The following RSF1 variants were observed in gnomAD, a reference collection of about 807,000 sequenced individuals.
The protein encoded by RSF1 is remodeling and spacing factor 1, also known as HBV pX-associated protein 8.
Under a neutral mutation model 145.2 loss-of-function variants are expected in RSF1, and 13 were observed. The observed-to-expected ratio is 0.09, with a 90% confidence interval of 0.06 to 0.14. The LOEUF (loss-of-function observed/expected upper bound fraction) is 0.14, where lower values mean the gene tolerates loss of function less well. RSF1 is among the 10% of genes least tolerant of loss of function. The probability of loss-of-function intolerance (pLI) is 1.00; values close to 1 mark genes in which losing one functional copy is unlikely to be tolerated. For missense variants in RSF1, 1,517 were observed against 1,718.2 expected (o/e 0.88, Z 2.07); for synonymous variants, 577 against 592.6 (o/e 0.97, Z 0.38).
intron 1 of RSF1, among the ~76,000 whole-genome samples, chr11:77,805,489 G>A (rs1169174248): frequency 6.6e-6 from 1 of 151,852 alleles, no homozygotes; most frequent in Non-Finnish European, 1.5e-5. Flanking sequence ...TCTCACTAAA[G>A]AAAACTTTAC....
chr11:77,694,022 A>G (rs1960223369), intron 7 of RSF1, among the ~76,000 whole-genome samples: 1 of 151,996 alleles, frequency 6.6e-6, no homozygotes, highest in African/African-American at 2.4e-5. Flanking sequence ...TGACCTTGTG[A>G]CCCACCCACC....
upstream of RSF1, chr11:77,821,090 A>G: frequency 2.2e-6 from 1 of 453,386 alleles, no homozygotes; most frequent in Non-Finnish European, 3.9e-6. Flanking sequence ...CAATGGACGC[A>G]GAGGGGGCGG....
chr11:77,849,791 A>G, the RSF1 span, among the ~76,000 whole-genome samples: 2 of 152,090 alleles, frequency 1.3e-5, no homozygotes, highest in Non-Finnish European at 2.9e-5. Flanking sequence ...CTTTGCTAAA[A>G]CTATTTCCTT....
At chr11:77,826,587 G>A in the RSF1 span, among the ~76,000 whole-genome samples, 11 of 152,148 alleles carry the variant, frequency 7.2e-5, no homozygotes, top group African/African-American at 2.6e-4. Context: ...CAGCATAGTC[G>A]CTACCCTGAG....
intron 7 of RSF1, among the ~76,000 whole-genome samples, chr11:77,698,249 G>A (rs2135849479): frequency 6.6e-6 from 1 of 152,310 alleles, no homozygotes; most frequent in South Asian, 2.1e-4. Context: ...AGAGATTGAG[G>A]TGTATTATTA....
At chr11:77,708,657 A>C (rs1302362805) in intron 5 of RSF1, among the ~76,000 whole-genome samples, 1 of 152,210 alleles carries the variant, frequency 6.6e-6, no homozygotes. Context: ...AAGAGAACTA[A>C]TTATAAAAGC....
At chr11:77,764,520 G>T in intron 2 of RSF1, 78 bp downstream of exon 2, 1 of 827,580 alleles carries the variant, frequency 1.2e-6, no homozygotes, top group Non-Finnish European at 2.0e-6. Context: ...AAAATTATGT[G>T]TATTATAAAA....
the RSF1 span, chr11:77,842,666 G>A: frequency 6.2e-7 from 1 of 1,600,486 alleles, no homozygotes; most frequent in Non-Finnish European, 8.5e-7. Flanking sequence ...ACATGAGGCT[G>A]ACCAAGTGAT....
intron 4 of RSF1, among the ~76,000 whole-genome samples, chr11:77,728,229 GGCTAATT>G (rs1961105347): frequency 2.0e-5 from 3 of 151,978 alleles, no homozygotes; most frequent in African/African-American, 7.3e-5. Flanking sequence ...TGTTCCCCAT[GGCTAATT>G]CCAATTACTC....
the RSF1 span, among the ~76,000 whole-genome samples, chr11:77,828,544 G>T: frequency 1.3e-5 from 2 of 150,710 alleles, no homozygotes; most frequent in Non-Finnish European, 3.0e-5. Context: ...GGTAGTGGGC[G>T]CCTGTAGTCC....
rs1959273792 is a variant in RSF1, at chr11:77,663,176, T to A, written c.*3741A>T. 1 of 152,172 alleles carries A rather than the reference T, an allele frequency of 6.6e-6. No homozygotes were observed. The highest frequency in any genetic ancestry group is 1.9e-4 in the East Asian group (1 of 5,196). The allele number at this position is 152,172 out of a possible 1,614,324, so 9.4% of individuals were successfully genotyped here. A position where few individuals can be genotyped will look rare whatever the true frequency, so the allele number is the denominator to read the frequency against. ...TTTTCTGAATATTAAACTTGTAGATTCATTAGGTTCTTTACAGTTGTGTGG... is the reference window on the plus strand; with the variant it reads ...TTTTCTGAATATTAAACTTGTAGATACATTAGGTTCTTTACAGTTGTGTGG... On this transcript the variant is annotated 3_prime_UTR_variant, in exon 16 of 16. Coordinates refer to ENST00000308488, the MANE Select transcript of RSF1 (RefSeq NM_016578.4).
chr11:77,660,201 A>C lies in RSF1; in HGVS notation c.*6716T>G, dbSNP rs1959218771. ...GACACTGAACATTTCATTAACAAAA[A>C]TACTGGCACCAGCCACAACATATTT... On this transcript the variant is annotated 3_prime_UTR_variant, in exon 16 of 16. Coordinates refer to ENST00000308488, the MANE Select transcript of RSF1 (RefSeq NM_016578.4). The C allele has an allele frequency of 6.6e-6, 1 of 152,216 alleles. No homozygotes were observed. Among genetic ancestry groups the C allele is most frequent in the African/African-American group, 2.4e-5 (1 of 41,466 alleles). 9.4% of individuals were successfully genotyped at this position (152,216 alleles called of 1,614,324 possible).
In RSF1 at chr11:77,815,291, G is replaced by A. The variant is rs141129693; in HGVS notation, c.187+5237C>T. Among the ~76,000 whole-genome samples the A allele has an allele frequency of 1.4e-3, 217 of 152,236 alleles. 1 individual carries two copies. Among genetic ancestry groups the A allele is most frequent in the African/African-American group, 3.6e-3 (148 of 41,538 alleles). ...GCTAGAACATATGTAATTACAAAGT[G>A]TACATTATAATTGCCCATATAATTA... On this transcript the variant is annotated intron_variant, in intron 1 of 15. Coordinates refer to ENST00000308488, the MANE Select transcript of RSF1 (RefSeq NM_016578.4).
At chr11:77,727,235 T>G (rs1961076748) in intron 4 of RSF1, among the ~76,000 whole-genome samples, 1 of 152,196 alleles carries the variant, frequency 6.6e-6, no homozygotes, top group South Asian at 2.1e-4. Context: ...CATTACAACC[T>G]GCTTCTAACT....
chr11:77,699,003 C>T (rs79819324), intron 6 of RSF1, among the ~76,000 whole-genome samples: 6,009 of 152,234 alleles, frequency 0.039, 167 homozygotes, highest in Non-Finnish European at 0.058. Context: ...ATCTAATCCT[C>T]TACTAGACAT....
chr11:77,735,137 G>A, intron 4 of RSF1: 1 of 718,160 alleles, frequency 1.4e-6, no homozygotes, highest in South Asian at 1.5e-5. Flanking sequence ...GGGAGGGCTG[G>A]CTATGGGCGG....
rs1258651023 is a variant in RSF1 at position 77,665,536 on chromosome 11, TTTAG to T, written c.*1377_*1380del. On this transcript the variant is annotated 3_prime_UTR_variant, in exon 16 of 16. Transcript: ENST00000308488. ...TTTAGTGTCAATTACATGTTAGGTA[TTTAG>T]TTAGTTACAAACCCTTTTTTCTTGA... 5 of 152,204 alleles carry T rather than the reference TTTAG, an allele frequency of 3.3e-5. No individual in the cohort carries two copies. Among genetic ancestry groups the T allele is most frequent in the Non-Finnish European group, 5.9e-5 (4 of 68,036 alleles). The allele number at this position is 152,204 out of a possible 1,614,324, so 9.4% of individuals were successfully genotyped here.
Position 77,701,534 on chromosome 11 carries a change from T to C in RSF1, c.1695A>G (p.Lys565=), listed in dbSNP as rs1215885644. 5 of 1,613,928 alleles carry C rather than the reference T, an allele frequency of 3.1e-6. No homozygotes were observed. Among genetic ancestry groups the C allele is most frequent in the South Asian group, 2.2e-5 (2 of 91,070 alleles). Residue 565 remains lysine, a synonymous_variant, in exon 6 of 16, where the codon AAA becomes AAG. Transcript: ENST00000308488. ...TAGTTTTGGGAGACTTCTCTTCACC[T>C]TTCATGGTACACGACTCGGTGGAAG... ...ALSSTESCTM[K]GEEKSPKTKK...
chr11:77,672,019 T>C lies in RSF1; in HGVS notation c.3751+23A>G, dbSNP rs199777215. The C allele has an allele frequency of 1.0e-4, 161 of 1,591,230 alleles. No individual in the cohort carries two copies. The African/African-American group carries it at 1.6e-3, about 16-fold the overall frequency. ...CTATTTTGCCCTGTCCAAACTTCTA[T>C]ATATAGGAGACCTATGCCTTACCTT... On this transcript the variant is annotated intron_variant, in intron 15 of 15. Transcript: ENST00000308488.
Sources: gnomAD v4.1 joint callset for allele counts (sites outside exome capture counted in the v4.1 genomes callset) on GRCh38, gnomAD v4.1.1 for gene constraint, MANE v1.5 for transcripts, NCBI Gene and HGNC (gene_info 2026-07-23, HGNC 2026-07-21) for gene names.